SYNPR: variants seen among roughly 807,000 people sequenced by gnomAD.
SYNPR encodes synaptoporin.
Under a neutral mutation model 32.9 loss-of-function variants are expected in SYNPR, and 23 were observed. The ratio of observed to expected loss-of-function variants is 0.70; its 90% CI spans 0.50 to 0.99. SYNPR has a LOEUF of 0.99. Among genes scored for constraint, SYNPR ranks in the 50% least tolerant of loss-of-function variants. The pLI, the probability that SYNPR is intolerant of heterozygous loss-of-function variation, is 0.00. For synonymous variants in SYNPR, 146 were observed against 135.9 expected (o/e 1.07, Z -0.52); for missense variants, 318 against 349.3 (o/e 0.91, Z 0.71).
At chr3:63,576,459 G>T (rs1267438444) in intron 4 of SYNPR, among the ~76,000 whole-genome samples, 2 of 152,034 alleles carry the variant, frequency 1.3e-5, no homozygotes, top group African/African-American at 4.8e-5. Context: ...GTTCTTAACA[G>T]TATGTCAAGC....
chr3:63,324,002 A>C (rs1020993736), intron 2 of SYNPR, among the ~76,000 whole-genome samples: 1 of 152,128 alleles, frequency 6.6e-6, no homozygotes, highest in East Asian at 1.9e-4. Flanking sequence ...ACAAAGTCCT[A>C]ATGTTTAGCC....
intron 2 of SYNPR, among the ~76,000 whole-genome samples, chr3:63,367,347 T>G (rs546556439): frequency 7.1e-6 from 1 of 141,080 alleles, no homozygotes; most frequent in Non-Finnish European, 1.6e-5. Flanking sequence ...GTTGAATTAT[T>G]TATTTATTTA....
At chr3:63,396,913 G>T (rs534598858) in intron 2 of SYNPR, among the ~76,000 whole-genome samples, 19 of 152,046 alleles carry the variant, frequency 1.2e-4, no homozygotes, top group Non-Finnish European at 2.8e-4. Flanking sequence ...GACCATGCTG[G>T]CTAACACGGT....
At chr3:63,369,394 A>C (rs756650114) in intron 2 of SYNPR, among the ~76,000 whole-genome samples, 8 of 152,240 alleles carry the variant, frequency 5.3e-5, no homozygotes, top group Non-Finnish European at 7.3e-5. Context: ...GTGTGGAAAG[A>C]GGAGCACCCA....
chr3:63,369,502 C>T (rs1412600597), intron 2 of SYNPR, among the ~76,000 whole-genome samples: 1 of 152,208 alleles, frequency 6.6e-6, no homozygotes, highest in East Asian at 1.9e-4. Context: ...GGCCAAATAA[C>T]ATAAGCTATG....
chr3:63,553,233 T>TC (rs1181472392), intron 3 of SYNPR, among the ~76,000 whole-genome samples: 1 of 152,208 alleles, frequency 6.6e-6, no homozygotes, highest in East Asian at 1.9e-4. Flanking sequence ...GATTATGGCC[T>TC]CCAACTCCAT....
At chr3:63,425,060 A>C (rs2107136550) in intron 2 of SYNPR, among the ~76,000 whole-genome samples, 1 of 152,104 alleles carries the variant, frequency 6.6e-6, no homozygotes, top group East Asian at 1.9e-4. Context: ...TGCTGCCCTT[A>C]CCTCTCTCCA....
intron 2 of SYNPR, among the ~76,000 whole-genome samples, chr3:63,320,521 T>C (rs943222173): frequency 2.7e-4 from 41 of 152,098 alleles, no homozygotes; most frequent in African/African-American, 9.7e-4. Flanking sequence ...GAGATCCAAG[T>C]ACTTCTTCTG....
chr3:63,577,040 G>T (rs1158214016), intron 4 of SYNPR, among the ~76,000 whole-genome samples: 1 of 152,058 alleles, frequency 6.6e-6, no homozygotes, highest in Non-Finnish European at 1.5e-5. Flanking sequence ...TCACTGAAAA[G>T]ATTCATTAGT....
At chr3:63,450,475 T>C (rs1457723386) in intron 2 of SYNPR, among the ~76,000 whole-genome samples, 1 of 152,164 alleles carries the variant, frequency 6.6e-6, no homozygotes, top group African/African-American at 2.4e-5. Flanking sequence ...TCAATGTCCT[T>C]CCAGCCTAGT....
chr3:63,291,228 T>C (rs1257309499), intron 2 of SYNPR, among the ~76,000 whole-genome samples: 1 of 152,194 alleles, frequency 6.6e-6, no homozygotes, highest in African/African-American at 2.4e-5. Flanking sequence ...AAAGGTGTTT[T>C]TTTAATGATA....
intron 2 of SYNPR, among the ~76,000 whole-genome samples, chr3:63,305,728 C>T (rs898159787): frequency 1.3e-5 from 2 of 152,002 alleles, no homozygotes; most frequent in Non-Finnish European, 2.9e-5. Flanking sequence ...CATACTACCT[C>T]TCAGAAACTC....
intron 4 of SYNPR, among the ~76,000 whole-genome samples, chr3:63,560,644 C>T (rs58459957): frequency 0.36 from 54,273 of 151,992 alleles, 9,930 homozygotes; most frequent in South Asian, 0.47. Flanking sequence ...CTCACAGTTC[C>T]GTATGGCTGG....
At chr3:63,235,925 T>C (rs1163516398) in intron 1 of SYNPR, among the ~76,000 whole-genome samples, 4 of 152,106 alleles carry the variant, frequency 2.6e-5, no homozygotes, top group Admixed American at 6.5e-5. Context: ...TTGTTTTAAG[T>C]CTAGGAACAT....
chr3:63,615,000 G>A (rs1450575524), intron 5 of SYNPR, among the ~76,000 whole-genome samples: 1 of 152,142 alleles, frequency 6.6e-6, no homozygotes, highest in African/African-American at 2.4e-5. Flanking sequence ...TAGAGCAAGT[G>A]AATTGATACA....
the SYNPR span, among the ~76,000 whole-genome samples, chr3:63,222,788 A>G: frequency 6.6e-6 from 1 of 152,146 alleles, no homozygotes; most frequent in Non-Finnish European, 1.5e-5. Flanking sequence ...AAGTACTGGG[A>G]TTACAAGCAT....
rs563290057 is a variant in SYNPR at position 63,415,677 on chromosome 3, G to A, written c.85-65155G>A. ...GCTGGTGGGCCTTACTTGGCCCACA[G>A]GCCATAGTTCTCCAACCAGTGGTGT... On this transcript the variant is annotated intron_variant, in intron 2 of 5. Transcript: ENST00000478300. Among the ~76,000 whole-genome samples the A allele has an allele frequency of 2.6e-5, 4 of 152,360 alleles. No individual in the cohort carries two copies. In the East Asian group the frequency reaches 5.8e-4, roughly 22 times the overall value.
At chr3:63,446,942 T>C (rs920912651) in intron 2 of SYNPR, among the ~76,000 whole-genome samples, 2 of 152,130 alleles carry the variant, frequency 1.3e-5, no homozygotes, top group African/African-American at 2.4e-5. Flanking sequence ...CACAATAAAA[T>C]ACATTTCCAA....
At chr3:63,332,309 G>T (rs546468779) in intron 2 of SYNPR, among the ~76,000 whole-genome samples, 2 of 152,132 alleles carry the variant, frequency 1.3e-5, no homozygotes, top group Non-Finnish European at 2.9e-5. Flanking sequence ...ACTGTGCTCT[G>T]CCACCCTCCA....
Sources: allele counts gnomAD v4.1 joint callset (sites outside exome capture counted in the v4.1 genomes callset), GRCh38; gene constraint gnomAD v4.1.1; transcripts MANE v1.5; gene names NCBI Gene and HGNC (gene_info 2026-07-23, HGNC 2026-07-21).